CST4: variants seen among roughly 807,000 people sequenced by gnomAD.
The protein encoded by CST4 is cystatin S.
Under a neutral mutation model 11.2 loss-of-function variants are expected in CST4, and 17 were observed. The observed-to-expected ratio is 1.52, with a 90% confidence interval of 1.04 to 2.27. The LOEUF (loss-of-function observed/expected upper bound fraction) is 2.27. CST4 is among the 30% of genes most tolerant of loss of function. CST4 has a pLI of 0.00. For synonymous variants in CST4, 93 were observed against 70.1 expected (o/e 1.33, Z -1.63); for missense variants, 251 against 180.2 (o/e 1.39, Z -2.25).
At chr20:23,688,672 G>A (rs1410052739) in intron 1 of CST4, 70 bp downstream of exon 1, 4 of 1,415,848 alleles carry the variant, frequency 2.8e-6, no homozygotes, top group Non-Finnish European at 4.0e-6. Flanking sequence ...GATTTGCTTG[G>A]AATGCTCTTG....
chr20:23,688,937 C>A lies in CST4; in HGVS notation c.33G>T (p.Leu11=). MARPLCTLLL[L]MATLAGALAS... ...CCAGAGCCCCAGCCAGGGTAGCCATCAGGAGTAGCAGGGTACACAGAGGCC... is the reference window on the plus strand; with the variant it reads ...CCAGAGCCCCAGCCAGGGTAGCCATAAGGAGTAGCAGGGTACACAGAGGCC... The change falls in exon 1 of 3, where the codon CTG becomes CTT. Residue 11 remains leucine, a synonymous_variant. Coordinates refer to ENST00000217423, the MANE Select transcript of CST4 (RefSeq NM_001899.3). The A allele has an allele frequency of 6.2e-7, 1 of 1,614,148 alleles. No homozygotes were observed. The highest frequency in any genetic ancestry group is 8.5e-7 in the Non-Finnish European group (1 of 1,180,010).
intron 1 of CST4, 33 bp from the exon 2 acceptor site, chr20:23,687,234 G>T (rs1188507525): frequency 6.2e-7 from 1 of 1,612,686 alleles, no homozygotes; most frequent in Non-Finnish European, 8.5e-7. Context: ...AGCACGGACA[G>T]CGCCCCCATC....
At position 23,687,024 on chromosome 20, in the gene CST4, A is replaced by T. The variant is rs1163166973; in HGVS notation, c.342+64T>A. Reference sequence around the variant, plus strand: ...CACCGTCCAAACATGGGTAGGACAGAGGCTGACACATACGCACCCCTCTGC... The same window carrying T: ...CACCGTCCAAACATGGGTAGGACAGTGGCTGACACATACGCACCCCTCTGC... On this transcript the variant is annotated intron_variant, in intron 2 of 2. Coordinates refer to ENST00000217423, the MANE Select transcript of CST4 (RefSeq NM_001899.3). 1.9e-6 allele frequency: 3 copies of T among 1,604,864 alleles called. No homozygotes were observed. The African/African-American group carries it at 4.0e-5, about 21-fold the overall frequency.
At chr20:23,686,386 G>C (rs1211847765) in intron 2 of CST4, among the ~76,000 whole-genome samples, 1 of 152,146 alleles carries the variant, frequency 6.6e-6, no homozygotes, top group Admixed American at 6.5e-5. Flanking sequence ...CCCTCAAAGA[G>C]CTGGGGCATG....
rs528831275 is a variant in CST4 at position 23,685,673 on chromosome 20, G to A, written c.*221C>T. 3.4e-6 allele frequency: 2 copies of A among 587,268 alleles called. No individual in the cohort carries two copies. The highest frequency in any genetic ancestry group is 3.7e-5 in the African/African-American group (2 of 53,726). The allele number at this position is 587,268 out of a possible 1,614,324, so 36.4% of individuals were successfully genotyped here. On this transcript the variant is annotated 3_prime_UTR_variant, in exon 3 of 3. Coordinates refer to ENST00000217423, the MANE Select transcript of CST4 (RefSeq NM_001899.3). ...TACTGTTTAATTGCAGGAGGTGGGG[G>A]TGTGTGTACCATGTACCAGGTCTAT...
At chr20:23,688,389 G>T (rs1490701972) in intron 1 of CST4, among the ~76,000 whole-genome samples, 1 of 152,208 alleles carries the variant, frequency 6.6e-6, no homozygotes, top group African/African-American at 2.4e-5. Context: ...AGGACTCAGG[G>T]AGGAGAATGA....
chr20:23,687,838 G>T (rs1981097981), intron 1 of CST4, among the ~76,000 whole-genome samples: 1 of 152,180 alleles, frequency 6.6e-6, no homozygotes, highest in Non-Finnish European at 1.5e-5. Flanking sequence ...GTATAAAATA[G>T]GCTTCCAGGT....
At position 23,687,106 on chromosome 20, in the gene CST4, T is replaced by C. The variant is rs745794929; in HGVS notation, c.324A>G (p.Glu108=). Residue 108 remains glutamate (E), a synonymous_variant, in exon 2 of 3, where the codon GAA becomes GAG. Transcript: ENST00000217423. ...AACGTACCTTCTGCAGTTCTGGCTGTTCATGGAAGGCACAGGTGTCCAAGT... is the reference window on the plus strand; with the variant it reads ...AACGTACCTTCTGCAGTTCTGGCTGCTCATGGAAGGCACAGGTGTCCAAGT... ...QPNLDTCAFH[E]QPELQKKQLC... 19 of 1,614,018 alleles carry C rather than the reference T, an allele frequency of 1.2e-5. No individual in the cohort carries two copies. The highest frequency in any genetic ancestry group is 1.5e-5 in the Non-Finnish European group (18 of 1,180,026).
Position 23,685,874 on chromosome 20 carries a change from G to C in CST4, c.*20C>G. 1 of 1,612,874 alleles carries C rather than the reference G, an allele frequency of 6.2e-7. No individual in the cohort carries two copies. Among genetic ancestry groups the C allele is most frequent in the Non-Finnish European group, 8.5e-7 (1 of 1,178,868 alleles). On this transcript the variant is annotated 3_prime_UTR_variant, in exon 3 of 3. Transcript: ENST00000217423. ...GGTGGGAGTGGGTGGTGGTCGGTGT[G>C]ACTGGCCTGGCACAGACCCCTAGGC...
chr20:23,687,460 A>T (rs1981085866), intron 1 of CST4, among the ~76,000 whole-genome samples: 1 of 152,196 alleles, frequency 6.6e-6, no homozygotes, highest in African/African-American at 2.4e-5. Context: ...GGGTGAGGGA[A>T]CACTGACTCT....
Position 23,685,951 on chromosome 20 carries a change from G to T in CST4, c.369C>A (p.Tyr123Ter). The change falls in exon 3 of 3, where the codon TAC becomes TAA. Residue 123 changes from tyrosine to a stop codon, truncating the protein, a stop_gained. Transcript: ENST00000217423. LOFTEE classifies it low-confidence loss of function (END_TRUNC). Reference protein sequence around the residue: ...QKKQLCSFEIYEVPWEDRMSL... With the variant: ...QKKQLCSFEI ...ACATTCTGTCCTCCCAGGGAACTTC[G>T]TAGATCTCGAAAGAGCACAACTGTT... 6.2e-7 allele frequency: 1 copy of T among 1,614,042 alleles called. No homozygotes were observed. The highest frequency in any genetic ancestry group is 2.2e-5 in the East Asian group (1 of 44,876).
chr20:23,687,918 C>T (rs1436073823), intron 1 of CST4, among the ~76,000 whole-genome samples: 5 of 152,188 alleles, frequency 3.3e-5, no homozygotes, highest in African/African-American at 7.2e-5. Context: ...TGCAGGCCAG[C>T]GGGGACCATG....
At chr20:23,686,517 G>A (rs1981046464) in intron 2 of CST4, among the ~76,000 whole-genome samples, 1 of 152,116 alleles carries the variant, frequency 6.6e-6, no homozygotes, top group Admixed American at 6.5e-5. Flanking sequence ...CCAGCTAACA[G>A]GCCTCTAGGT....
chr20:23,686,724 C>G (rs1267514973), intron 2 of CST4, among the ~76,000 whole-genome samples: 1 of 152,066 alleles, frequency 6.6e-6, no homozygotes, highest in Admixed American at 6.5e-5. Flanking sequence ...CACATCACCC[C>G]CTCCCTCACC....
chr20:23,687,514 G>A (rs1338003348), intron 1 of CST4, among the ~76,000 whole-genome samples: 3 of 152,182 alleles, frequency 2.0e-5, no homozygotes, highest in Admixed American at 6.5e-5. Flanking sequence ...GCTAACTCAC[G>A]AAAATCTTAT....
chr20:23,686,491 G>A (rs557207117), intron 2 of CST4, among the ~76,000 whole-genome samples: 1 of 152,216 alleles, frequency 6.6e-6, no homozygotes, highest in Admixed American at 6.5e-5. Flanking sequence ...GGTGAGCCGG[G>A]CAGGTCCAGG....
At position 23,685,793 on chromosome 20, in the gene CST4, G is replaced by A; in HGVS notation, c.*101C>T. The A allele has an allele frequency of 4.9e-6, 6 of 1,216,826 alleles. No homozygotes were observed. Among genetic ancestry groups the A allele is most frequent in the Non-Finnish European group, 7.1e-6 (6 of 840,480 alleles). 75.4% of individuals were successfully genotyped at this position (1,216,826 alleles called of 1,614,324 possible). ...TGTCTGTCTCTTGGCACAGGCACAT[G>A]GGGAGGCCTCCCGCAGGGTGGGGGC... On this transcript the variant is annotated 3_prime_UTR_variant, in exon 3 of 3. Transcript: ENST00000217423.
At chr20:23,686,306 C>T (rs1341531529) in intron 2 of CST4, among the ~76,000 whole-genome samples, 1 of 152,128 alleles carries the variant, frequency 6.6e-6, no homozygotes, top group African/African-American at 2.4e-5. Context: ...TCCCCCAGCT[C>T]CTTCCACCTC....
chr20:23,687,063 C>T, intron 2 of CST4, 25 bp downstream of exon 2: 1 of 1,614,028 alleles, frequency 6.2e-7, no homozygotes, highest in Non-Finnish European at 8.5e-7. Context: ...GCATGACTGG[C>T]CCGGGACCCG....
Sources: allele counts gnomAD v4.1 joint callset (sites outside exome capture counted in the v4.1 genomes callset), GRCh38; gene constraint gnomAD v4.1.1; transcripts MANE v1.5; gene names NCBI Gene and HGNC (gene_info 2026-07-23, HGNC 2026-07-21).